ATP8B1: variants seen among roughly 807,000 people sequenced by gnomAD.
ATP8B1 encodes the protein phospholipid-transporting ATPase IC.
A neutral mutation model predicts 149.9 loss-of-function variants in ATP8B1; 80 were observed. The ratio of observed to expected loss-of-function variants is 0.53; its 90% CI spans 0.45 to 0.64. The LOEUF is 0.64. Ranked by LOEUF, ATP8B1 falls within the 30% of genes least tolerant of loss-of-function variation. The probability of loss-of-function intolerance (pLI) is 0.00; values close to 1 mark genes in which losing one functional copy is unlikely to be tolerated. For synonymous variants in ATP8B1, 536 were observed against 562.8 expected, an observed-to-expected ratio of 0.95 and a Z score of 0.67; for missense variants, 1,247 against 1,552.6, an observed-to-expected ratio of 0.80 and a Z score of 3.31.
At chr18:57,797,259 C>T (rs182046214) in intron 1 of ATP8B1, among the ~76,000 whole-genome samples, 10 of 152,228 alleles carry the variant, frequency 6.6e-5, no homozygotes, top group Admixed American at 2.0e-4. Context: ...TCAAACAAAC[C>T]GCAACTCCAG....
intron 1 of ATP8B1, among the ~76,000 whole-genome samples, chr18:57,739,021 A>G (rs1338139523): frequency 6.6e-6 from 1 of 152,030 alleles, no homozygotes; most frequent in Non-Finnish European, 1.5e-5. Context: ...TTTTAGACTC[A>G]GTTTCGCTCT....
intron 1 of ATP8B1, among the ~76,000 whole-genome samples, chr18:57,787,340 C>T (rs2080419089): frequency 6.6e-6 from 1 of 152,198 alleles, no homozygotes; most frequent in South Asian, 2.1e-4. Context: ...ATAAATTCGT[C>T]TGATAAAAAG....
At chr18:57,747,058 C>G (rs1218507578) in intron 1 of ATP8B1, among the ~76,000 whole-genome samples, 2 of 152,218 alleles carry the variant, frequency 1.3e-5, no homozygotes, top group Non-Finnish European at 2.9e-5. Context: ...TCCAAGAGCC[C>G]TTGCTGATCC....
chr18:57,703,774 A>C (rs1339954494), intron 4 of ATP8B1, among the ~76,000 whole-genome samples: 2 of 152,146 alleles, frequency 1.3e-5, no homozygotes, highest in Non-Finnish European at 2.9e-5. Flanking sequence ...ATTAGGAAAA[A>C]AAATTTTTAA....
chr18:57,713,196 T>TTTCTTTCCTTCC (rs1913791192), intron 2 of ATP8B1, among the ~76,000 whole-genome samples: 44 of 89,970 alleles, frequency 4.9e-4, no homozygotes, highest in Admixed American at 8.7e-4. Flanking sequence ...TCTTTCTTTC[T>TTTCTTTCCTTCC]TTCCTTCCTT....
chr18:57,740,303 C>G (rs2079899345), intron 1 of ATP8B1, among the ~76,000 whole-genome samples: 1 of 151,838 alleles, frequency 6.6e-6, no homozygotes, highest in African/African-American at 2.4e-5. Context: ...AGAAGAAAGA[C>G]TATTTCCGAA....
intron 15 of ATP8B1, among the ~76,000 whole-genome samples, chr18:57,676,225 A>G (rs1208684425): frequency 1.3e-5 from 2 of 151,918 alleles, no homozygotes; most frequent in African/African-American, 4.8e-5. Flanking sequence ...CAGTGGCACC[A>G]TCTCAGCTCA....
chr18:57,735,494 TC>T (rs1266414858), intron 1 of ATP8B1: 1 of 152,812 alleles, frequency 6.5e-6, no homozygotes, highest in Non-Finnish European at 1.5e-5. Flanking sequence ...GAACCCCAGG[TC>T]AGAGAACACG....
At chr18:57,649,979 G>A (rs1909495554) in intron 27 of ATP8B1, among the ~76,000 whole-genome samples, 1 of 152,172 alleles carries the variant, frequency 6.6e-6, no homozygotes, top group South Asian at 2.1e-4. Flanking sequence ...CTGTAGAGAT[G>A]TTTTGAGTCA....
intron 22 of ATP8B1, among the ~76,000 whole-genome samples, chr18:57,658,625 CTTTGTGTGTG>C (rs1183256036): frequency 9.0e-6 from 1 of 111,728 alleles, no homozygotes; most frequent in African/African-American, 3.8e-5. Context: ...CCAACAATTT[CTTTGTGTGTG>C]TGTGTGTGTG....
intron 15 of ATP8B1, among the ~76,000 whole-genome samples, chr18:57,680,616 A>AAAAC (rs79987183): frequency 1.4e-3 from 200 of 144,280 alleles, no homozygotes; most frequent in Non-Finnish European, 2.0e-3. Flanking sequence ...AAAACAAAAC[A>AAAAC]AAAAAAAAAC....
intron 2 of ATP8B1, among the ~76,000 whole-genome samples, chr18:57,717,689 T>C (rs1401312052): frequency 7.4e-6 from 1 of 134,658 alleles, no homozygotes; most frequent in Non-Finnish European, 1.6e-5. Context: ...AAGAAAACAA[T>C]ACAAAAGATC....
intron 1 of ATP8B1, among the ~76,000 whole-genome samples, chr18:57,747,270 T>A (rs1307689312): frequency 6.6e-6 from 1 of 152,060 alleles, no homozygotes; most frequent in Non-Finnish European, 1.5e-5. Flanking sequence ...CTGGCCAACA[T>A]GGTGAAACCC....
At chr18:57,764,034 T>C (rs2080182789) in intron 1 of ATP8B1, among the ~76,000 whole-genome samples, 1 of 152,252 alleles carries the variant, frequency 6.6e-6, no homozygotes, top group Non-Finnish European at 1.5e-5. Flanking sequence ...AAGGCCATCG[T>C]GAACAAAGGA....
chr18:57,675,180 G>C (rs990241748), intron 15 of ATP8B1, among the ~76,000 whole-genome samples, 158 bp from the exon 16 acceptor site: 4 of 152,252 alleles, frequency 2.6e-5, no homozygotes, highest in African/African-American at 9.6e-5. Flanking sequence ...GTTATGCCAA[G>C]ATTAAAACTT....
At chr18:57,710,165 T>A (rs1019039499) in intron 2 of ATP8B1, among the ~76,000 whole-genome samples, 2 of 152,014 alleles carry the variant, frequency 1.3e-5, no homozygotes, top group Non-Finnish European at 2.9e-5. Flanking sequence ...AATGGATATA[T>A]TGACAAAGAA....
intron 19 of ATP8B1, 117 bp from the exon 20 acceptor site, chr18:57,667,284 C>G: frequency 1.3e-6 from 1 of 783,030 alleles, no homozygotes; most frequent in Non-Finnish European, 2.1e-6. Flanking sequence ...GTGGCACAAT[C>G]TCTGCTCACT....
At chr18:57,678,001 C>G (rs912171656) in intron 15 of ATP8B1, among the ~76,000 whole-genome samples, 2 of 152,070 alleles carry the variant, frequency 1.3e-5, no homozygotes, top group Admixed American at 6.6e-5. Context: ...CACAGAATTG[C>G]AGACTAACAG....
At chr18:57,653,282 C>CTTTTTT (rs199543849) in intron 24 of ATP8B1, among the ~76,000 whole-genome samples, 204 of 114,422 alleles carry the variant, frequency 1.8e-3, no homozygotes, top group Non-Finnish European at 2.7e-3. Flanking sequence ...CTTTTCTTTT[C>CTTTTTT]TTTTTTTTTT....
Sources: gnomAD v4.1 joint callset for allele counts (sites outside exome capture counted in the v4.1 genomes callset) on GRCh38, gnomAD v4.1.1 for gene constraint, MANE v1.5 for transcripts, NCBI Gene and HGNC (gene_info 2026-07-23, HGNC 2026-07-21) for gene names.